MAPK4: variants seen among roughly 807,000 people sequenced by gnomAD.
MAPK4 encodes the protein mitogen-activated protein kinase 4, also known as Erk3-related.
MAPK4 carries 22 observed loss-of-function variants against 47.7 expected under a neutral mutation model. The ratio of observed to expected loss-of-function variants is 0.46; its 90% CI spans 0.33 to 0.66. The LOEUF is 0.66. Ranked by LOEUF, MAPK4 falls within the 30% of genes least tolerant of loss-of-function variation. The probability of loss-of-function intolerance (pLI) is 0.02; values close to 1 mark genes in which losing one functional copy is unlikely to be tolerated. For missense variants in MAPK4, 736 were observed against 831.7 expected (o/e 0.88, Z 1.42); for synonymous variants, 390 against 365.7 (o/e 1.07, Z -0.76).
intron 2 of MAPK4, among the ~76,000 whole-genome samples, chr18:50,707,370 G>C (rs1326648316): frequency 6.6e-6 from 1 of 152,088 alleles, no homozygotes; most frequent in African/African-American, 2.4e-5. Context: ...AGGAGTTCAA[G>C]AGCAGCCTCG....
chr18:50,680,078 CTTTTTTTTTTTTTTTTTT>C (rs138992946), intron 2 of MAPK4, among the ~76,000 whole-genome samples: 2 of 54,354 alleles, frequency 3.7e-5, no homozygotes, highest in East Asian at 6.6e-4. Context: ...TGCTTTTAAA[CTTTTTTTTTTTTTTTTTT>C]TTTTTTTTTT....
At chr18:50,727,860 AG>A (rs1911288463) in intron 5 of MAPK4, among the ~76,000 whole-genome samples, 1 of 152,178 alleles carries the variant, frequency 6.6e-6, no homozygotes, top group South Asian at 2.1e-4. Flanking sequence ...GATAACACAA[AG>A]TCCACAGGGT....
intron 1 of MAPK4, among the ~76,000 whole-genome samples, chr18:50,620,848 A>G (rs578077162): frequency 5.3e-5 from 8 of 152,304 alleles, no homozygotes; most frequent in African/African-American, 1.9e-4. Context: ...CCATCAAACC[A>G]TCTATCTACT....
chr18:50,601,670 C>T (rs1341433802), intron 1 of MAPK4, among the ~76,000 whole-genome samples: 1 of 152,158 alleles, frequency 6.6e-6, no homozygotes, highest in Non-Finnish European at 1.5e-5. Flanking sequence ...CTGGCTCTTT[C>T]TTGGAGATCC....
In MAPK4 at chr18:50,722,002, C is replaced by T. The variant is rs1332995489; in HGVS notation, c.756C>T (p.Asp252=). ...LETIPVIREE[D]KDELLRVMPS... ...CCATCCCTGTAATCCGGGAGGAAGA[C>T]AAGGACGAGCTGCTCAGGGTGATGC... is the stretch of plus-strand genomic sequence containing the variant. Residue 252 remains aspartate (D), a synonymous_variant, in exon 4 of 6, where the codon GAC becomes GAT. Coordinates refer to ENST00000400384, the MANE Select transcript of MAPK4 (RefSeq NM_002747.4). The T allele has an allele frequency of 1.2e-6, 2 of 1,614,088 alleles. No individual in the cohort carries two copies. The highest frequency in any genetic ancestry group is 1.7e-6 in the Non-Finnish European group (2 of 1,180,012).
chr18:50,621,270 C>T (rs1179211931), intron 1 of MAPK4, among the ~76,000 whole-genome samples: 1 of 151,910 alleles, frequency 6.6e-6, no homozygotes, highest in African/African-American at 2.4e-5. Context: ...TGGCCTGCAG[C>T]TCTTCATCCC....
intron 1 of MAPK4, among the ~76,000 whole-genome samples, chr18:50,570,496 TG>T (rs2042240099): frequency 6.6e-6 from 1 of 152,176 alleles, no homozygotes; most frequent in Non-Finnish European, 1.5e-5. Flanking sequence ...AAGTAAAAAC[TG>T]TAGGCTGTAT....
chr18:50,609,572 G>A (rs574683350), intron 1 of MAPK4, among the ~76,000 whole-genome samples: 12 of 152,164 alleles, frequency 7.9e-5, no homozygotes, highest in African/African-American at 1.7e-4. Flanking sequence ...TGCCACTATC[G>A]ATTCTTGATG....
At chr18:50,674,821 C>T (rs1294822789) in intron 2 of MAPK4, among the ~76,000 whole-genome samples, 1 of 152,192 alleles carries the variant, frequency 6.6e-6, no homozygotes, top group South Asian at 2.1e-4. Context: ...ATTCCTGGCA[C>T]CTAGCATAGT....
At chr18:50,711,269 G>A (rs910525217) in intron 2 of MAPK4, among the ~76,000 whole-genome samples, 1 of 152,220 alleles carries the variant, frequency 6.6e-6, no homozygotes, top group African/African-American at 2.4e-5. Context: ...TGGGCTCTGC[G>A]TGACTCTAAA....
intron 1 of MAPK4, among the ~76,000 whole-genome samples, chr18:50,652,997 C>T (rs1568063814): frequency 6.6e-6 from 1 of 151,986 alleles, no homozygotes; most frequent in African/African-American, 2.4e-5. Flanking sequence ...GCCTGGGTAA[C>T]ATGATGAAAC....
At chr18:50,686,318 G>A (rs1055742380) in intron 2 of MAPK4, among the ~76,000 whole-genome samples, 4 of 152,154 alleles carry the variant, frequency 2.6e-5, no homozygotes, top group Admixed American at 2.0e-4. Flanking sequence ...TGGCAGCTAT[G>A]TACCCAGGCA....
intron 2 of MAPK4, among the ~76,000 whole-genome samples, chr18:50,686,373 G>A (rs997698365): frequency 2.1e-4 from 32 of 152,204 alleles, no homozygotes; most frequent in African/African-American, 6.5e-4. Flanking sequence ...AGCAACAGGA[G>A]TTGAAACAAA....
intron 1 of MAPK4, among the ~76,000 whole-genome samples, chr18:50,620,606 T>C (rs1406160338): frequency 6.6e-6 from 1 of 152,150 alleles, no homozygotes; most frequent in Non-Finnish European, 1.5e-5. Context: ...TGCTCATTTT[T>C]TTAAAATTAT....
At chr18:50,591,060 A>G (rs2042432768) in intron 1 of MAPK4, among the ~76,000 whole-genome samples, 2 of 152,234 alleles carry the variant, frequency 1.3e-5, no homozygotes, top group South Asian at 4.1e-4. Flanking sequence ...TGCTTATTCA[A>G]ATTCATATTG....
At chr18:50,561,982 A>G (rs1406029019) in intron 1 of MAPK4, among the ~76,000 whole-genome samples, 1 of 152,172 alleles carries the variant, frequency 6.6e-6, no homozygotes, top group African/African-American at 2.4e-5. Context: ...TTTTAATGCT[A>G]CTGTCATACC....
At chr18:50,570,247 T>G (rs2042238004) in intron 1 of MAPK4, among the ~76,000 whole-genome samples, 1 of 152,226 alleles carries the variant, frequency 6.6e-6, no homozygotes, top group Non-Finnish European at 1.5e-5. Flanking sequence ...GATGGATATA[T>G]TTCAACTAAC....
intron 1 of MAPK4, among the ~76,000 whole-genome samples, chr18:50,656,452 C>T (rs1001206732): frequency 5.2e-4 from 79 of 152,332 alleles, no homozygotes; most frequent in African/African-American, 1.8e-3. Context: ...GCAGCTTCCC[C>T]AAAAGCGAAC....
intron 1 of MAPK4, among the ~76,000 whole-genome samples, chr18:50,656,061 A>G (rs2043106915): frequency 6.6e-6 from 1 of 152,170 alleles, no homozygotes; most frequent in Non-Finnish European, 1.5e-5. Context: ...GATCCATGCC[A>G]GGTGAGACCC....
Sources: allele counts gnomAD v4.1 joint callset (sites outside exome capture counted in the v4.1 genomes callset), GRCh38; gene constraint gnomAD v4.1.1; transcripts MANE v1.5; gene names NCBI Gene and HGNC (gene_info 2026-07-23, HGNC 2026-07-21).